BNC2: variants seen among roughly 807,000 people sequenced by gnomAD.
BNC2 encodes the protein zinc finger protein basonuclin-2.
BNC2 carries 20 observed loss-of-function variants against 76.3 expected under a neutral mutation model. The observed-to-expected ratio is 0.26, with a 90% CI of 0.18 to 0.38. BNC2 has a LOEUF of 0.38. Among genes scored for constraint, BNC2 ranks in the 10% least tolerant of loss-of-function variants. The pLI, the probability that BNC2 is intolerant of heterozygous loss-of-function variation, is 1.00. For missense variants in BNC2, 1,382 were observed against 1,399.8 expected, an observed-to-expected ratio of 0.99 and a Z score of 0.20; for synonymous variants, 582 against 514.8, an observed-to-expected ratio of 1.13 and a Z score of -1.77.
At chr9:16,746,054 A>G (rs1824991682) in intron 1 of BNC2, among the ~76,000 whole-genome samples, 1 of 152,228 alleles carries the variant, frequency 6.6e-6, no homozygotes, top group East Asian at 1.9e-4. Context: ...ATCTAATCCC[A>G]TTGCTTTACT....
intron 3 of BNC2, among the ~76,000 whole-genome samples, chr9:16,646,254 T>C (rs978700949): frequency 2.6e-5 from 4 of 152,182 alleles, no homozygotes; most frequent in African/African-American, 4.8e-5. Flanking sequence ...TCCAGCACCC[T>C]TGGGCAGGGA....
chr9:16,832,363 A>G, intron 1 of BNC2: 1 of 1,214,880 alleles, frequency 8.2e-7, no homozygotes, highest in African/African-American at 1.6e-5. Flanking sequence ...GTGAAACAGA[A>G]CAGAGAACAC....
intron 1 of BNC2, among the ~76,000 whole-genome samples, chr9:16,774,794 TG>T (rs1415069477): frequency 2.0e-5 from 3 of 152,214 alleles, no homozygotes; most frequent in Non-Finnish European, 2.9e-5. Context: ...AAACCTGTTT[TG>T]GGCTGAACAA....
At chr9:16,500,973 G>A (rs2131775830) in intron 5 of BNC2, among the ~76,000 whole-genome samples, 1 of 152,238 alleles carries the variant, frequency 6.6e-6, no homozygotes, top group South Asian at 2.1e-4. Flanking sequence ...TAAGACAGTG[G>A]TTAACAGCAT....
rs1271462559 is a variant in BNC2, at chr9:16,528,520, T to C, written c.669+24010A>G. On this transcript the variant is annotated intron_variant, in intron 5 of 6. Transcript: ENST00000380672. ...TTTCTATAGTTATCTACTTTGTTTA[T>C]GGTCCAGAGTCATGATAGAGTAGCA... Among the ~76,000 whole-genome samples, 4 of 152,344 alleles carry C rather than the reference T, an allele frequency of 2.6e-5. No individual in the cohort carries two copies. In the East Asian group the frequency reaches 7.7e-4, roughly 29 times the overall value.
chr9:16,642,828 G>A (rs1821525671), intron 3 of BNC2, among the ~76,000 whole-genome samples: 1 of 152,132 alleles, frequency 6.6e-6, no homozygotes, highest in African/African-American at 2.4e-5. Flanking sequence ...CTAGGAGAAG[G>A]TACAGTTAAG....
At chr9:16,671,506 CT>C (rs1587298440) in intron 3 of BNC2, among the ~76,000 whole-genome samples, 3 of 152,136 alleles carry the variant, frequency 2.0e-5, no homozygotes, top group Non-Finnish European at 4.4e-5. Flanking sequence ...CAACATCAGC[CT>C]TTACCTTTAC....
At chr9:16,697,119 G>A (rs997706363) in intron 3 of BNC2, among the ~76,000 whole-genome samples, 15 of 152,000 alleles carry the variant, frequency 9.9e-5, no homozygotes, top group Non-Finnish European at 5.9e-5. Flanking sequence ...CCAGCACTTT[G>A]GGAGGCTGAG....
chr9:16,769,814 G>C (rs4961755), intron 1 of BNC2, among the ~76,000 whole-genome samples: 31,906 of 152,082 alleles, frequency 0.21, 4,140 homozygotes, highest in East Asian at 0.62. Context: ...GATTCATGTG[G>C]GTGGAGCTTG....
intron 3 of BNC2, among the ~76,000 whole-genome samples, chr9:16,655,974 T>G (rs965441003): frequency 3.0e-4 from 45 of 152,152 alleles, no homozygotes; most frequent in Admixed American, 8.5e-4. Context: ...TGTAAGTACT[T>G]CAGAAGAGGC....
chr9:16,817,571 G>T (rs932447515), intron 1 of BNC2, among the ~76,000 whole-genome samples: 2 of 152,168 alleles, frequency 1.3e-5, no homozygotes, highest in African/African-American at 4.8e-5. Flanking sequence ...CAAGGCTGAT[G>T]TGGAGATAAA....
At chr9:16,655,224 G>C (rs1374249773) in intron 3 of BNC2, among the ~76,000 whole-genome samples, 2 of 151,982 alleles carry the variant, frequency 1.3e-5, no homozygotes, top group Non-Finnish European at 2.9e-5. Flanking sequence ...AATATTAAAT[G>C]CTTCATGACC....
Position 16,727,827 on chromosome 9 carries a change from A to G in BNC2, c.300T>C (p.Asp100=). The change falls in exon 3 of 7, where the codon GAT becomes GAC. Residue 100 remains aspartate, a synonymous_variant. Transcript: ENST00000380672. ...GGGACATTCTGAATAAGAGGTTAGT[A>G]TCAGCGTTTTGCCATGTCCCCATGA... is the stretch of plus-strand genomic sequence containing the variant. ...PGFMGTWQNA[D]TNLLFRMSQQ... The G allele has an allele frequency of 6.2e-7, 1 of 1,614,226 alleles. No individual in the cohort carries two copies. The highest frequency in any genetic ancestry group is 8.5e-7 in the Non-Finnish European group (1 of 1,180,038).
At chr9:16,785,305 T>C (rs2135584948) in intron 1 of BNC2, among the ~76,000 whole-genome samples, 1 of 152,292 alleles carries the variant, frequency 6.6e-6, no homozygotes, top group Non-Finnish European at 1.5e-5. Context: ...TTGTTCTCCA[T>C]TTCACAGATA....
chr9:16,462,931 G>A (rs1821616925), intron 5 of BNC2, among the ~76,000 whole-genome samples: 1 of 152,040 alleles, frequency 6.6e-6, no homozygotes, highest in South Asian at 2.1e-4. Context: ...CTAGTTTTAT[G>A]CCCAAATTTT....
intron 3 of BNC2, among the ~76,000 whole-genome samples, chr9:16,700,056 G>A (rs144753236): frequency 2.2e-4 from 33 of 152,224 alleles, no homozygotes; most frequent in Non-Finnish European, 3.2e-4. Context: ...ATATATGCCT[G>A]TATGATATGT....
At chr9:16,456,362 C>G (rs1170360470) in intron 5 of BNC2, among the ~76,000 whole-genome samples, 1 of 151,752 alleles carries the variant, frequency 6.6e-6, no homozygotes, top group Non-Finnish European at 1.5e-5. Context: ...GAAGGTTACC[C>G]CACTAGATCA....
chr9:16,713,806 C>A (rs1433074811), intron 3 of BNC2, among the ~76,000 whole-genome samples: 1 of 152,082 alleles, frequency 6.6e-6, no homozygotes, highest in Non-Finnish European at 1.5e-5. Context: ...GGGCGTGGTG[C>A]CCTCATGCTT....
At chr9:16,539,534 A>G (rs1818235727) in intron 5 of BNC2, among the ~76,000 whole-genome samples, 1 of 141,390 alleles carries the variant, frequency 7.1e-6, no homozygotes, top group South Asian at 2.4e-4. Context: ...ATGGAGAGAG[A>G]GAGGAAGAGA....
Sources: gnomAD v4.1 joint callset for allele counts (sites outside exome capture counted in the v4.1 genomes callset) on GRCh38, gnomAD v4.1.1 for gene constraint, MANE v1.5 for transcripts, NCBI Gene and HGNC (gene_info 2026-07-23, HGNC 2026-07-21) for gene names.